Variants in L1CAM observed in about 807,000 individuals in gnomAD.
L1CAM encodes the protein neural cell adhesion molecule L1.
In L1CAM, 8 loss-of-function variants were observed where a neutral mutation model predicts 93.0. The observed-to-expected ratio is 0.09, with a 90% CI of 0.05 to 0.16. L1CAM has a LOEUF of 0.16. Among genes scored for constraint, L1CAM ranks in the 10% least tolerant of loss-of-function variants. The pLI is 1.00. For missense variants in L1CAM, 777 were observed against 1,073.4 expected (o/e 0.72, Z 3.86); for synonymous variants, 453 against 453.0 (o/e 1.00, Z 0.00).
Position 153,863,464 on chromosome X carries a change from T to G in L1CAM, c.3530+13A>C. 2 of 1,210,614 alleles carry G rather than the reference T, an allele frequency of 1.7e-6. No individual in the cohort carries two copies. Among genetic ancestry groups the G allele is most frequent in the Non-Finnish European group, 2.2e-6 (2 of 894,477 alleles). On this transcript the variant is annotated intron_variant, in intron 27 of 28. Coordinates refer to ENST00000370060, the MANE Select transcript of L1CAM (RefSeq NM_001278116.2). ...GGAGCTGAGTGCCAGCACCCACTCC[T>G]GCCCCGGCTCACCTGTACTCGCCGA...
rs1367391111 is a variant in L1CAM at position 153,861,726 on chromosome X, A to G, written c.*937T>C. 1 of 109,787 alleles carries G rather than the reference A, an allele frequency of 9.1e-6. No homozygotes were observed. Among genetic ancestry groups the G allele is most frequent in the African/African-American group, 3.3e-5 (1 of 30,120 alleles). 9.0% of individuals were successfully genotyped at this position (109,787 alleles called of 1,213,427 possible). ...GATGGGTTCATCAAAGCTAATTGCT[A>G]TCAATCCTAGAAACCACCTAGGGAC... On this transcript the variant is annotated 3_prime_UTR_variant, in exon 29 of 29. Coordinates refer to ENST00000370060, the MANE Select transcript of L1CAM (RefSeq NM_001278116.2).
In L1CAM at chrX:153,872,288, C is replaced by T. The variant is rs1557093436; in HGVS notation, c.264G>A (p.Gln88=). 3 of 1,207,812 alleles carry T rather than the reference C, an allele frequency of 2.5e-6. No individual in the cohort carries two copies. Among genetic ancestry groups the T allele is most frequent in the Non-Finnish European group, 3.4e-6 (3 of 894,366 alleles). ...PKEELGVTVY[Q]SPHSGSFTIT... ...TGGTGAAGGAGCCAGAGTGGGGCGA[C>T]TGGTACACGGTCACACCCAGCTCTT... Residue 88 remains glutamine (Q), a synonymous_variant, in exon 5 of 29, where the codon CAG becomes CAA. Transcript: ENST00000370060.
intron 1 of L1CAM, among the ~76,000 whole-genome samples, chrX:153,878,554 T>A (rs1557095110): frequency 8.9e-6 from 1 of 112,454 alleles, no homozygotes; most frequent in Non-Finnish European, 1.9e-5. Context: ...CAGGCAGCAC[T>A]GGCCTCAACT....
intron 2 of L1CAM, among the ~76,000 whole-genome samples, chrX:153,874,878 A>G (rs782558210): frequency 1.8e-5 from 2 of 112,046 alleles, no homozygotes; most frequent in Non-Finnish European, 3.8e-5. Flanking sequence ...GCAAGTGTGT[A>G]CTTACATTCA....
In L1CAM at chrX:153,868,912, G is replaced by A; in HGVS notation, c.1308C>T (p.Tyr436=). 8.3e-7 allele frequency: 1 copy of A among 1,211,681 alleles called. No individual in the cohort carries two copies. Among genetic ancestry groups the A allele is most frequent in the South Asian group, 1.8e-5 (1 of 57,012 alleles). ...AGGCAGTGCTGCCCTGGACAGCCAT[G>A]TACGTCTGATTGTCCGCAGTCAGGA... ...AKILTADNQT[Y]MAVQGSTAYL... The change falls in exon 12 of 29, where the codon TAC becomes TAT. Residue 436 remains tyrosine (Y), a synonymous_variant. Coordinates refer to ENST00000370060, the MANE Select transcript of L1CAM (RefSeq NM_001278116.2).
At chrX:153,884,599 G>A in intron 1 of L1CAM, 2 of 178,781 alleles carry the variant, frequency 1.1e-5, no homozygotes, top group Non-Finnish European at 1.1e-5. Flanking sequence ...AAATGACCAG[G>A]AGCCAAGGAG....
chrX:153,865,255 C>A, intron 21 of L1CAM, 44 bp downstream of exon 21: 10 of 1,209,054 alleles, frequency 8.3e-6, no homozygotes, highest in Non-Finnish European at 1.0e-5. Flanking sequence ...TCGCCCAGGT[C>A]TGGGGAGGAG....
At chrX:153,884,223 G>C (rs1569545193) in intron 1 of L1CAM, 4 of 1,006,568 alleles carry the variant, frequency 4.0e-6, no homozygotes, top group Non-Finnish European at 5.2e-6. Context: ...CACTGGCCAT[G>C]AGCAGCTGCC....
intron 1 of L1CAM, chrX:153,885,672 G>T: frequency 6.8e-6 from 2 of 293,329 alleles, no homozygotes; most frequent in Middle Eastern, 1.3e-3. Flanking sequence ...ACCCCACGGC[G>T]GCCTGTGGGG....
chrX:153,876,787 A>G (rs1226242982), intron 1 of L1CAM, among the ~76,000 whole-genome samples: 1 of 110,722 alleles, frequency 9.0e-6, no homozygotes, highest in Non-Finnish European at 1.9e-5. Flanking sequence ...TGAGGTTGGG[A>G]GTTTGAGACC....
chrX:153,869,199 C>T (rs1162473475), intron 11 of L1CAM: 1 of 450,500 alleles, frequency 2.2e-6, no homozygotes, highest in African/African-American at 2.4e-5. Context: ...TGACAGTCAC[C>T]TCTCCCCAGA....
At position 153,866,041 on chromosome X, in the gene L1CAM, G is replaced by A. The variant is rs150622910; in HGVS notation, c.2432-222C>T. ...TACAAAGGAGAAACCATGGCTGGGC[G>A]TGATGGTTCACACCCGTATTCCCAA... is the stretch of plus-strand genomic sequence containing the variant. On this transcript the variant is annotated intron_variant, in intron 19 of 28. Transcript: ENST00000370060. 1.0e-3 allele frequency: 422 copies of A among 409,724 alleles called. 2 individuals carry two copies. The highest frequency in any genetic ancestry group is 8.0e-3 in the African/African-American group (322 of 40,072). 33.8% of individuals were successfully genotyped at this position (409,724 alleles called of 1,213,427 possible).
In L1CAM at chrX:153,868,292, C is replaced by G. The variant is rs781848372; in HGVS notation, c.1703+10G>C. The G allele has an allele frequency of 1.9e-5, 23 of 1,209,860 alleles. No individual in the cohort carries two copies. The Admixed American group carries it at 5.0e-4, about 26-fold the overall frequency. ...CCCACTCTGCCCCCTTTCACCGTCA[C>G]TGTCCTCACTTGTCACTGTCCCCAA... On this transcript the variant is annotated intron_variant, in intron 14 of 28. Transcript: ENST00000370060.
In L1CAM at chrX:153,865,049, C is replaced by A. The variant is rs1557090359; in HGVS notation, c.2872+39G>T. ...CTGCAGCTCTGCCCCCTCCCCGTGG[C>A]CCCTCCACCTCCCTTCCCTGCTGGG... On this transcript the variant is annotated intron_variant, in intron 22 of 28. Transcript: ENST00000370060. 5 of 1,211,763 alleles carry A rather than the reference C, an allele frequency of 4.1e-6. No individual in the cohort carries two copies. The South Asian group carries it at 5.3e-5, about 13-fold the overall frequency.
In L1CAM at chrX:153,863,706, C is replaced by T. The variant is rs1557089689; in HGVS notation, c.3458-157G>A. ...CTCACCCCCTGCGGTCCAGCCACCA[C>T]TTGCCTGTTGCCCCAACCCCGGCCT... is the stretch of plus-strand genomic sequence containing the variant. On this transcript the variant is annotated intron_variant, in intron 26 of 28. Coordinates refer to ENST00000370060, the MANE Select transcript of L1CAM (RefSeq NM_001278116.2). 3.6e-6 allele frequency: 3 copies of T among 836,966 alleles called. No individual in the cohort carries two copies. In the African/African-American group the frequency reaches 6.1e-5, roughly 17 times the overall value. 69.0% of individuals were successfully genotyped at this position (836,966 alleles called of 1,213,427 possible).
At chrX:153,885,943 G>A in intron 1 of L1CAM, 122 bp downstream of exon 1, 2 of 763,750 alleles carry the variant, frequency 2.6e-6, no homozygotes, top group Non-Finnish European at 3.0e-6. Flanking sequence ...CAGCAACGCC[G>A]GTTACCGCGG....
chrX:153,883,211 G>A (rs928861011), intron 1 of L1CAM, among the ~76,000 whole-genome samples: 12 of 111,415 alleles, frequency 1.1e-4, no homozygotes, highest in Non-Finnish European at 1.9e-4. Flanking sequence ...AAGGAGAGGA[G>A]CAGAGCGGTG....
intron 1 of L1CAM, among the ~76,000 whole-genome samples, chrX:153,881,683 T>C (rs1051187404): frequency 9.9e-5 from 11 of 111,255 alleles, no homozygotes; most frequent in Non-Finnish European, 2.1e-4. Context: ...CTCTGGAATC[T>C]GGACTTGTTC....
At chrX:153,885,679 G>T (rs782687397) in intron 1 of L1CAM, 3 of 309,929 alleles carry the variant, frequency 9.7e-6, no homozygotes, top group East Asian at 2.6e-4. Context: ...GGCGGCCTGT[G>T]GGGGAGCGCT....
Sources: allele counts gnomAD v4.1 joint callset (sites outside exome capture counted in the v4.1 genomes callset), GRCh38; gene constraint gnomAD v4.1.1; transcripts MANE v1.5; gene names NCBI Gene and HGNC (gene_info 2026-07-23, HGNC 2026-07-21).